Variants in CACNA1D observed in about 807,000 individuals in gnomAD.
The protein encoded by CACNA1D is voltage-dependent L-type calcium channel subunit alpha-1D.
A neutral mutation model predicts 257.1 loss-of-function variants in CACNA1D; 55 were observed. The observed-to-expected ratio is 0.21, with a 90% CI of 0.17 to 0.27. The LOEUF is 0.27. Ranked by LOEUF, CACNA1D falls within the 10% of genes least tolerant of loss-of-function variation. The probability of loss-of-function intolerance (pLI) is 1.00; values close to 1 mark genes in which losing one functional copy is unlikely to be tolerated. For synonymous variants in CACNA1D, 980 were observed against 1,014.9 expected (o/e 0.97, Z 0.65); for missense variants, 1,876 against 2,784.0 (o/e 0.67, Z 7.34).
In CACNA1D at chr3:53,793,426, C is replaced by A. The variant is rs1001774388; in HGVS notation, c.4923+6474C>A. On this transcript the variant is annotated intron_variant, in intron 40 of 47. Coordinates refer to ENST00000350061, the MANE Select transcript of CACNA1D (RefSeq NM_001128840.3). The surrounding 1 kb of genome is among the most constrained non-coding windows in gnomAD (Gnocchi z 4.1). ...GCTGAAGGATGGCACGTGCCTACCC[C>A]CTGTATGTGTCACTCTGTCTCAGAG... Among the ~76,000 whole-genome samples, 1 of 152,336 alleles carries A rather than the reference C, an allele frequency of 6.6e-6. No individual in the cohort carries two copies. The highest frequency in any genetic ancestry group is 1.9e-4 in the East Asian group (1 of 5,192).
chr3:53,710,582 A>G (rs2094743013), intron 9 of CACNA1D: 1 of 393,778 alleles, frequency 2.5e-6, no homozygotes, highest in South Asian at 1.8e-5. Flanking sequence ...TGTGTTCAGA[A>G]GATGCCTATA....
chr3:53,646,537 C>CT (rs2094022886), intron 3 of CACNA1D, among the ~76,000 whole-genome samples: 2 of 152,142 alleles, frequency 1.3e-5, no homozygotes, highest in African/African-American at 4.8e-5. Context: ...ATGTCTGATG[C>CT]TACAGTTAAA....
intron 3 of CACNA1D, among the ~76,000 whole-genome samples, chr3:53,530,553 C>T (rs896169221): frequency 2.6e-5 from 4 of 152,152 alleles, no homozygotes; most frequent in African/African-American, 9.7e-5. Flanking sequence ...TGGCCTGGCA[C>T]CTATAAGCAG....
At chr3:53,617,395 C>T (rs1288094004) in intron 3 of CACNA1D, among the ~76,000 whole-genome samples, 1 of 152,120 alleles carries the variant, frequency 6.6e-6, no homozygotes, top group Non-Finnish European at 1.5e-5. Context: ...TTCCATGTAA[C>T]CTCTGTTAAA....
At chr3:53,534,552 A>G (rs1248347082) in intron 3 of CACNA1D, among the ~76,000 whole-genome samples, 1 of 151,992 alleles carries the variant, frequency 6.6e-6, no homozygotes, top group African/African-American at 2.4e-5. Context: ...CCTCAACCTC[A>G]TGGACATACT....
chr3:53,702,896 C>A, intron 9 of CACNA1D, 86 bp downstream of exon 9: 1 of 1,470,302 alleles, frequency 6.8e-7, no homozygotes, highest in Non-Finnish European at 9.4e-7. Context: ...GACTCTGACC[C>A]AGGCTGTGAG....
At chr3:53,536,457 T>C (rs2092116847) in intron 3 of CACNA1D, among the ~76,000 whole-genome samples, 1 of 152,204 alleles carries the variant, frequency 6.6e-6, no homozygotes, top group Non-Finnish European at 1.5e-5. Flanking sequence ...ATTGTTGAAA[T>C]GCATGGGAAC....
Position 53,751,920 on chromosome 3 carries a change from A to G in CACNA1D, c.3675+13A>G. ...CTTGGCCATGCAGGTAAAAATGGAG[A>G]CAGCCGTGGGGATCAGGTCCGGGCA... On this transcript the variant is annotated intron_variant, in intron 28 of 47. Coordinates refer to ENST00000350061, the MANE Select transcript of CACNA1D (RefSeq NM_001128840.3). The surrounding 1 kb of genome is among the most constrained non-coding windows in gnomAD (Gnocchi z 4.3). 1 of 1,613,680 alleles carries G rather than the reference A, an allele frequency of 6.2e-7. No individual in the cohort carries two copies. Among genetic ancestry groups the G allele is most frequent in the African/African-American group, 1.3e-5 (1 of 74,954 alleles).
chr3:53,786,965 C>G lies in CACNA1D; in HGVS notation c.4923+13C>G. On this transcript the variant is annotated intron_variant, in intron 40 of 47. Coordinates refer to ENST00000350061, the MANE Select transcript of CACNA1D (RefSeq NM_001128840.3). ...AATTGCCCTACAGGTGAATTGTTGT[C>G]TCATTTTGTTTTCTCTTTTGACTAA... 1 of 1,613,686 alleles carries G rather than the reference C, an allele frequency of 6.2e-7. No homozygotes were observed.
In CACNA1D at chr3:53,801,034, G is replaced by A. The variant is rs746263519; in HGVS notation, c.5041-24G>A. ...CATCAAATACTTGTTAAATTACCTG[G>A]TGTTGTCTCCCATTATTTTGCAGAG... On this transcript the variant is annotated intron_variant, in intron 41 of 47. Transcript: ENST00000350061. 10 of 1,612,772 alleles carry A rather than the reference G, an allele frequency of 6.2e-6. No homozygotes were observed. The South Asian group carries it at 1.1e-4, about 18-fold the overall frequency.
At chr3:53,551,778 GTCCATT>G (rs1231607244) in intron 3 of CACNA1D, among the ~76,000 whole-genome samples, 1 of 152,202 alleles carries the variant, frequency 6.6e-6, no homozygotes, top group Non-Finnish European at 1.5e-5. Flanking sequence ...TAACACACCT[GTCCATT>G]CCAAACAAAC....
At chr3:53,726,503 G>C (rs866448011) in intron 14 of CACNA1D, among the ~76,000 whole-genome samples, 1 of 152,104 alleles carries the variant, frequency 6.6e-6, no homozygotes, top group Non-Finnish European at 1.5e-5. Flanking sequence ...CGAGTGTGGT[G>C]GTGGTCACCT....
At position 53,494,961 on chromosome 3, in the gene CACNA1D, C is replaced by A; in HGVS notation, c.-206C>A. Reference sequence around the variant, plus strand: ...TGCTCCATTTTTGAAAAAGAGAGAGCTTGGGTGGCGAGCGGTTTTTTTTTT... The same window carrying A: ...TGCTCCATTTTTGAAAAAGAGAGAGATTGGGTGGCGAGCGGTTTTTTTTTT... On this transcript the variant is annotated 5_prime_UTR_variant, in exon 1 of 48. Coordinates refer to ENST00000350061, the MANE Select transcript of CACNA1D (RefSeq NM_001128840.3). The A allele has an allele frequency of 1.7e-6, 1 of 589,156 alleles. No homozygotes were observed. The highest frequency in any genetic ancestry group is 2.1e-5 in the South Asian group (1 of 48,044). The allele number at this position is 589,156 out of a possible 1,614,324, so 36.5% of individuals were successfully genotyped here.
chr3:53,621,927 C>G (rs2093701132), intron 3 of CACNA1D, among the ~76,000 whole-genome samples: 1 of 152,104 alleles, frequency 6.6e-6, no homozygotes, highest in South Asian at 2.1e-4. Flanking sequence ...ACACACCTAC[C>G]AAAGTGACTA....
intron 3 of CACNA1D, among the ~76,000 whole-genome samples, chr3:53,584,181 A>C (rs1291469079): frequency 6.6e-6 from 1 of 152,112 alleles, no homozygotes; most frequent in Admixed American, 6.5e-5. Flanking sequence ...TATCTGGGCC[A>C]TTCTCATTCA....
chr3:53,802,867 A>T (rs2095543198), intron 43 of CACNA1D, among the ~76,000 whole-genome samples: 1 of 152,148 alleles, frequency 6.6e-6, no homozygotes, highest in South Asian at 2.1e-4. Context: ...AGGGAGACTT[A>T]CCACATTCCT....
At position 53,740,151 on chromosome 3, in the gene CACNA1D, C is replaced by A. The variant is rs74698390; in HGVS notation, c.2752-129C>A. The A allele has an allele frequency of 4.1e-3, 3,210 of 783,838 alleles. 64 individuals are homozygous for A. In the African/African-American group the frequency reaches 0.044, roughly 11 times the overall value. The allele number at this position is 783,838 out of a possible 1,614,324, so 48.6% of individuals were successfully genotyped here. On this transcript the variant is annotated intron_variant, in intron 20 of 47. Transcript: ENST00000350061. ...GCATTCACCCGTGGCTCTGCACTTA[C>A]CTTCAGAATGGCAGGGTTTTCCTGG...
chr3:53,687,695 C>T (rs927320255), intron 8 of CACNA1D, among the ~76,000 whole-genome samples: 2 of 151,972 alleles, frequency 1.3e-5, no homozygotes, highest in Non-Finnish European at 2.9e-5. Context: ...AAAGGGAAAC[C>T]ACACTGGGAG....
rs10576296 is a variant in CACNA1D at position 53,693,461 on chromosome 3, ATTT to A, written c.1221-9164_1221-9162del. Reference sequence around the variant, plus strand: ...TTGTGAAACATCACACATTGCTGTTATTTTTTTTTTTTTTTTTTACAAAATTCC... The same window carrying A: ...TTGTGAAACATCACACATTGCTGTTATTTTTTTTTTTTTTTACAAAATTCC... On this transcript the variant is annotated intron_variant, in intron 8 of 47. Transcript: ENST00000350061. 6.3e-3 allele frequency among the ~76,000 whole-genome samples: 902 copies of A among 142,484 alleles called. 10 individuals carry two copies. The highest frequency in any genetic ancestry group is 0.02 in the African/African-American group (779 of 39,318). 93.5% of individuals were successfully genotyped at this position (142,484 alleles called of 152,430 possible).
Sources: gnomAD v4.1 joint callset for allele counts (sites outside exome capture counted in the v4.1 genomes callset) on GRCh38, gnomAD v4.1.1 for gene constraint, Gnocchi (gnomAD v3.1) non-coding constraint, MANE v1.5 for transcripts, NCBI Gene and HGNC (gene_info 2026-07-23, HGNC 2026-07-21) for gene names.